VRK2: variants seen among roughly 807,000 people sequenced by gnomAD.
VRK2 encodes the protein VRK serine/threonine kinase 2.
Under a neutral mutation model 57.6 loss-of-function variants are expected in VRK2, and 60 were observed. The ratio of observed to expected loss-of-function variants is 1.04; its 90% CI spans 0.85 to 1.29. The LOEUF (loss-of-function observed/expected upper bound fraction) is 1.29. VRK2 is among the 50% of genes most tolerant of loss of function. The pLI is 0.00. For missense variants in VRK2, 705 were observed against 588.1 expected, an observed-to-expected ratio of 1.20 and a Z score of -2.06; for synonymous variants, 231 against 199.2, an observed-to-expected ratio of 1.16 and a Z score of -1.35.
At chr2:58,073,837 G>A (rs1301693167) in intron 2 of VRK2, among the ~76,000 whole-genome samples, 1 of 151,942 alleles carries the variant, frequency 6.6e-6, no homozygotes, top group African/African-American at 2.4e-5. Context: ...CAGCATGGGA[G>A]AATGATGTAG....
At chr2:57,911,923 T>C (rs1669997530) in intron 1 of VRK2, among the ~76,000 whole-genome samples, 1 of 152,186 alleles carries the variant, frequency 6.6e-6, no homozygotes, top group Non-Finnish European at 1.5e-5. Flanking sequence ...ATATAATGAG[T>C]TATAAGAGAT....
At chr2:58,012,069 C>G (rs1014694645) in intron 1 of VRK2, among the ~76,000 whole-genome samples, 1 of 152,124 alleles carries the variant, frequency 6.6e-6, no homozygotes, top group African/African-American at 2.4e-5. Flanking sequence ...GCTGGTTATT[C>G]TGAGAAAAGG....
At chr2:58,121,292 A>C (rs1677477512) in intron 7 of VRK2, among the ~76,000 whole-genome samples, 1 of 152,224 alleles carries the variant, frequency 6.6e-6, no homozygotes, top group Admixed American at 6.5e-5. Flanking sequence ...TCTTTTTTAA[A>C]ATAGTAAACT....
At chr2:58,094,259 A>T (rs1196447252) in intron 7 of VRK2, among the ~76,000 whole-genome samples, 2 of 152,034 alleles carry the variant, frequency 1.3e-5, no homozygotes, top group East Asian at 3.9e-4. Context: ...CTTGGGCAGT[A>T]TGGCCATTCT....
At chr2:58,058,686 T>C (rs891893399) in intron 2 of VRK2, among the ~76,000 whole-genome samples, 2 of 152,002 alleles carry the variant, frequency 1.3e-5, no homozygotes, top group African/African-American at 4.8e-5. Context: ...TTTAGGAAAT[T>C]ATCATATTTA....
chr2:58,078,543 A>G (rs943616482), intron 2 of VRK2, among the ~76,000 whole-genome samples: 1 of 151,960 alleles, frequency 6.6e-6, no homozygotes, highest in Non-Finnish European at 1.5e-5. Context: ...TCATATGGTA[A>G]TTTTATTTAT....
chr2:58,046,778 C>G (rs1384864470), upstream of VRK2: 1 of 985,410 alleles, frequency 1.0e-6, no homozygotes, highest in Non-Finnish European at 1.2e-6. Context: ...CCCGCCTCCC[C>G]GCGGGACTGT....
intron 1 of VRK2, among the ~76,000 whole-genome samples, chr2:57,976,343 C>T (rs905134033): frequency 5.3e-5 from 8 of 152,108 alleles, no homozygotes; most frequent in African/African-American, 1.7e-4. Context: ...AAACTACTTT[C>T]CACAGCGGCA....
At chr2:58,090,434 C>G (rs371834209) in intron 7 of VRK2, among the ~76,000 whole-genome samples, 1 of 150,766 alleles carries the variant, frequency 6.6e-6, no homozygotes, top group East Asian at 1.9e-4. Context: ...TTTAAGCAAG[C>G]TTTTCCATTA....
intron 10 of VRK2, among the ~76,000 whole-genome samples, chr2:58,138,699 C>T (rs953777929): frequency 6.6e-6 from 1 of 152,154 alleles, no homozygotes; most frequent in Admixed American, 6.6e-5. Flanking sequence ...CAGGTTTTCC[C>T]ACCATGGATA....
intron 3 of VRK2, among the ~76,000 whole-genome samples, chr2:58,037,302 T>C (rs1416825643): frequency 6.6e-6 from 1 of 152,090 alleles, no homozygotes; most frequent in Non-Finnish European, 1.5e-5. Flanking sequence ...AGCCAAGGTC[T>C]ATAATGTCAA....
At position 58,088,449 on chromosome 2, in the gene VRK2, A is replaced by G. The variant is rs745627190; in HGVS notation, c.450+3A>G. On this transcript the variant is annotated splice_donor_region_variant and intron_variant, in intron 6 of 12. Coordinates refer to ENST00000340157, the MANE Select transcript of VRK2 (RefSeq NM_006296.7). ...TCCTGCAATTAGGTATCCGAATGGTAAGAATTACTTATTTCGCATGCTCCA... is the reference window on the plus strand; with the variant it reads ...TCCTGCAATTAGGTATCCGAATGGTGAGAATTACTTATTTCGCATGCTCCA... 1 of 1,593,896 alleles carries G rather than the reference A, an allele frequency of 6.3e-7. No individual in the cohort carries two copies. Among genetic ancestry groups the G allele is most frequent in the Non-Finnish European group, 8.6e-7 (1 of 1,163,148 alleles).
chr2:58,158,374 T>C (rs1684333085), intron 12 of VRK2, among the ~76,000 whole-genome samples: 1 of 152,206 alleles, frequency 6.6e-6, no homozygotes. Flanking sequence ...TAATTTTTTT[T>C]CATAGGAAAG....
chr2:58,057,876 C>G (rs1676762298), intron 2 of VRK2, among the ~76,000 whole-genome samples: 1 of 151,658 alleles, frequency 6.6e-6, no homozygotes, highest in African/African-American at 2.4e-5. Flanking sequence ...ACAATGTCTT[C>G]AAAGAGACAG....
chr2:58,108,616 C>G (rs542669890), intron 7 of VRK2, among the ~76,000 whole-genome samples: 1 of 152,240 alleles, frequency 6.6e-6, no homozygotes, highest in Admixed American at 6.5e-5. Flanking sequence ...TTTCTTCTTC[C>G]CTGTCTCCAT....
At chr2:57,920,571 A>G (rs1009578172) in intron 1 of VRK2, among the ~76,000 whole-genome samples, 1 of 152,094 alleles carries the variant, frequency 6.6e-6, no homozygotes, top group East Asian at 1.9e-4. Flanking sequence ...TTCATTCTCA[A>G]CAACAAAAGC....
intron 7 of VRK2, among the ~76,000 whole-genome samples, chr2:58,094,281 T>G (rs1672806104): frequency 1.3e-5 from 2 of 152,236 alleles, no homozygotes; most frequent in South Asian, 4.1e-4. Context: ...ATGATATTGA[T>G]TCTTCCTATC....
chr2:57,953,597 C>CT (rs1406133500), intron 1 of VRK2, among the ~76,000 whole-genome samples: 2 of 152,152 alleles, frequency 1.3e-5, no homozygotes, highest in Admixed American at 1.3e-4. Context: ...CTGTATTCAT[C>CT]TTTTACATAC....
intron 5 of VRK2, 55 bp downstream of exon 5, chr2:58,086,481 C>T: frequency 7.0e-7 from 1 of 1,435,588 alleles, no homozygotes; most frequent in Admixed American, 2.3e-5. Flanking sequence ...CTTATGTGGT[C>T]TATGAGTTAA....
Sources: gnomAD v4.1 joint callset for allele counts (sites outside exome capture counted in the v4.1 genomes callset) on GRCh38, gnomAD v4.1.1 for gene constraint, MANE v1.5 for transcripts, NCBI Gene and HGNC (gene_info 2026-07-23, HGNC 2026-07-21) for gene names.